IPO11: variants seen among roughly 807,000 people sequenced by gnomAD.
IPO11 encodes importin-11.
In IPO11, 66 loss-of-function variants were observed where a neutral mutation model predicts 143.2. The ratio of observed to expected loss-of-function variants is 0.46; its 90% CI spans 0.38 to 0.57. The LOEUF (loss-of-function observed/expected upper bound fraction) is 0.57. Ranked by LOEUF, IPO11 falls within the 20% of genes least tolerant of loss-of-function variation. The pLI is 0.00. For missense variants in IPO11, 1,026 were observed against 1,141.0 expected (o/e 0.90, Z 1.45); for synonymous variants, 385 against 377.8 (o/e 1.02, Z -0.22).
At chr5:62,574,783 G>C (rs935619216) in intron 27 of IPO11, among the ~76,000 whole-genome samples, 1 of 152,176 alleles carries the variant, frequency 6.6e-6, no homozygotes, top group African/African-American at 2.4e-5. Context: ...CAGGAACAGA[G>C]ATCAAGAAGT....
rs769189696 is a variant in IPO11 at position 62,489,369 on chromosome 5, T to C, written c.1357+20T>C. ...ATGCTGGTATGTTAAACTTAAGTGA[T>C]TTAGAAGCATTTATTTATTCAGTAG... On this transcript the variant is annotated intron_variant, in intron 14 of 29. Transcript: ENST00000325324. The C allele has an allele frequency of 6.7e-7, 1 of 1,501,948 alleles. No homozygotes were observed. The highest frequency in any genetic ancestry group is 9.1e-7 in the Non-Finnish European group (1 of 1,104,012). The allele number at this position is 1,501,948 out of a possible 1,614,324, so 93.0% of individuals were successfully genotyped here.
intron 20 of IPO11, among the ~76,000 whole-genome samples, chr5:62,518,346 A>T (rs1248210496): frequency 6.6e-6 from 1 of 152,010 alleles, no homozygotes; most frequent in African/African-American, 2.4e-5. Context: ...CAGGAGGCTG[A>T]GGCAGGAGAA....
chr5:62,428,165 G>C (rs1244737511), intron 1 of IPO11, among the ~76,000 whole-genome samples: 1 of 151,590 alleles, frequency 6.6e-6, no homozygotes, highest in Admixed American at 6.6e-5. Context: ...TTTTGGCCCT[G>C]AGTTAACATC....
At chr5:62,418,893 G>T in intron 1 of IPO11, 1 of 1,158,108 alleles carries the variant, frequency 8.6e-7, no homozygotes. Flanking sequence ...TATAGCACCA[G>T]GTGTGAAACT....
At chr5:62,441,595 A>C (rs1013370840) in intron 2 of IPO11, among the ~76,000 whole-genome samples, 6 of 136,442 alleles carry the variant, frequency 4.4e-5, no homozygotes, top group Non-Finnish European at 9.1e-5. Flanking sequence ...TGCTCACTGC[A>C]ACCTCCGCCT....
At chr5:62,484,316 T>C (rs1580233165) in intron 11 of IPO11, among the ~76,000 whole-genome samples, 154 bp downstream of exon 11, 1 of 152,196 alleles carries the variant, frequency 6.6e-6, no homozygotes, top group South Asian at 2.1e-4. Flanking sequence ...TGTTATCCAT[T>C]AGAACAAATT....
At chr5:62,494,229 T>G in intron 16 of IPO11, 105 bp downstream of exon 16, 1 of 934,886 alleles carries the variant, frequency 1.1e-6, no homozygotes, top group Non-Finnish European at 1.5e-6. Flanking sequence ...GTTTATGGCC[T>G]TTCACTGCAC....
chr5:62,513,493 C>T (rs1212806270), intron 19 of IPO11, among the ~76,000 whole-genome samples: 1 of 129,526 alleles, frequency 7.7e-6, no homozygotes, highest in Non-Finnish European at 1.7e-5. Flanking sequence ...GGCGGCCGGG[C>T]AGAGGCGCCC....
intron 29 of IPO11, among the ~76,000 whole-genome samples, chr5:62,614,381 G>A (rs1448657316): frequency 1.3e-5 from 2 of 152,186 alleles, no homozygotes; most frequent in Non-Finnish European, 2.9e-5. Flanking sequence ...TCTCAACTGG[G>A]TACTATTTTG....
intron 9 of IPO11, among the ~76,000 whole-genome samples, chr5:62,481,381 A>T (rs1433835331): frequency 1.3e-5 from 2 of 152,056 alleles, no homozygotes; most frequent in Non-Finnish European, 2.9e-5. Context: ...ATTCAGTATG[A>T]TATTGGTTGT....
intron 29 of IPO11, among the ~76,000 whole-genome samples, chr5:62,626,076 C>T (rs1431030732): frequency 6.6e-6 from 1 of 152,048 alleles, no homozygotes; most frequent in Non-Finnish European, 1.5e-5. Flanking sequence ...GTCACCCAGG[C>T]TGGAGTGCAA....
At chr5:62,607,761 G>A (rs545866529) in intron 29 of IPO11, among the ~76,000 whole-genome samples, 7 of 151,234 alleles carry the variant, frequency 4.6e-5, no homozygotes, top group South Asian at 2.1e-4. Flanking sequence ...CTCAACTTGC[G>A]CAGTTAACAT....
chr5:62,440,620 G>A lies in IPO11; in HGVS notation c.139-2363G>A, dbSNP rs559356488. On this transcript the variant is annotated intron_variant, in intron 2 of 29. Transcript: ENST00000325324. ...AATCTGCCCACCTCGGCCTCCCAAA[G>A]TGCTGGGATTACAGGCGTGAGCCAC... Among the ~76,000 whole-genome samples, 303 of 151,372 alleles carry A rather than the reference G, an allele frequency of 2.0e-3. 2 individuals are homozygous for A. The highest frequency in any genetic ancestry group is 7.1e-3 in the African/African-American group (296 of 41,400).
At chr5:62,617,401 G>A (rs940558353) in intron 29 of IPO11, among the ~76,000 whole-genome samples, 1 of 152,132 alleles carries the variant, frequency 6.6e-6, no homozygotes, top group African/African-American at 2.4e-5. Flanking sequence ...CTCTCCCATA[G>A]TGGACAAACA....
intron 27 of IPO11, among the ~76,000 whole-genome samples, chr5:62,562,661 T>C (rs752705592): frequency 2.6e-5 from 4 of 152,076 alleles, no homozygotes; most frequent in Non-Finnish European, 4.4e-5. Context: ...GGCCCAGGGG[T>C]TGTGGAACCC....
At position 62,617,304 on chromosome 5, in the gene IPO11, T is replaced by C. The variant is rs184495668; in HGVS notation, c.2764-9850T>C. On this transcript the variant is annotated intron_variant, in intron 29 of 29. Coordinates refer to ENST00000325324, the MANE Select transcript of IPO11 (RefSeq NM_016338.5). ...TCTCATCTGATTTTTCCTCACAGTT[T>C]ATCTTCTTTCCATTCTCTGAATCAC... Among the ~76,000 whole-genome samples the C allele has an allele frequency of 5.3e-5, 8 of 152,254 alleles. No individual in the cohort carries two copies. The East Asian group carries it at 7.7e-4, about 15-fold the overall frequency.
At position 62,435,110 on chromosome 5, in the gene IPO11, G is replaced by GTATATATATGTATATATATGTA. The variant is rs1313698232; in HGVS notation, c.-6-2157_-6-2156insATGTATATATATGTATATATAT. On this transcript the variant is annotated intron_variant, in intron 1 of 29. Transcript: ENST00000325324. ...TATATATGTATATATGTATATATAT[G>GTATATATATGTATATATATGTA]TATATATGTATATATGTATATATAT... Among the ~76,000 whole-genome samples the GTATATATATGTATATATATGTA allele has an allele frequency of 0.013, 878 of 65,356 alleles. 87 individuals are homozygous for GTATATATATGTATATATATGTA. The East Asian group carries it at 0.15, about 11-fold the overall frequency. 42.9% of individuals were successfully genotyped at this position (65,356 alleles called of 152,430 possible).
chr5:62,476,851 G>T, intron 9 of IPO11, 98 bp downstream of exon 9: 1 of 1,263,772 alleles, frequency 7.9e-7, no homozygotes, highest in Non-Finnish European at 1.0e-6. Context: ...TCACTTTAGT[G>T]TAAGGAAACC....
intron 19 of IPO11, among the ~76,000 whole-genome samples, chr5:62,513,841 G>A (rs1348600153): frequency 2.0e-5 from 3 of 148,908 alleles, no homozygotes; most frequent in South Asian, 2.1e-4. Context: ...CAGACGGGGC[G>A]GTTGCCAGGA....
Sources: allele counts gnomAD v4.1 joint callset (sites outside exome capture counted in the v4.1 genomes callset), GRCh38; gene constraint gnomAD v4.1.1; transcripts MANE v1.5; gene names NCBI Gene and HGNC (gene_info 2026-07-23, HGNC 2026-07-21).